DLGAP1: variants seen among roughly 807,000 people sequenced by gnomAD.
The protein encoded by DLGAP1 is disks large-associated protein 1.
Under a neutral mutation model 90.8 loss-of-function variants are expected in DLGAP1, and 11 were observed. The observed-to-expected ratio is 0.12, with a 90% CI of 0.08 to 0.20. DLGAP1 has a LOEUF of 0.20. DLGAP1 is among the 10% of genes least tolerant of loss of function. The pLI, the probability that DLGAP1 is intolerant of heterozygous loss-of-function variation, is 1.00. For synonymous variants in DLGAP1, 558 were observed against 540.7 expected (o/e 1.03, Z -0.44); for missense variants, 1,050 against 1,333.8 (o/e 0.79, Z 3.31).
At chr18:3,515,818 G>A (rs572695473) in intron 10 of DLGAP1, among the ~76,000 whole-genome samples, 2 of 148,070 alleles carry the variant, frequency 1.4e-5, no homozygotes, top group African/African-American at 2.5e-5. Flanking sequence ...AAATCCTCTC[G>A]AAGCTTACCA....
intron 3 of DLGAP1, among the ~76,000 whole-genome samples, chr18:3,998,980 C>T (rs1599297030): frequency 6.6e-6 from 1 of 152,070 alleles, no homozygotes; most frequent in Non-Finnish European, 1.5e-5. Flanking sequence ...TTTTGATATT[C>T]AGGAATCACT....
chr18:4,329,139 C>T (rs1050294534), intron 1 of DLGAP1, among the ~76,000 whole-genome samples: 5 of 151,892 alleles, frequency 3.3e-5, no homozygotes, highest in African/African-American at 1.2e-4. Context: ...TTATAGTTCA[C>T]TGCTCTCTAT....
chr18:3,949,141 C>CT (rs1183755370), intron 3 of DLGAP1, among the ~76,000 whole-genome samples: 7 of 152,282 alleles, frequency 4.6e-5, no homozygotes, highest in Admixed American at 3.3e-4. Context: ...TTCAGCAATA[C>CT]TTTGCTGGCT....
At chr18:4,449,365 G>A (rs777017128) in intron 1 of DLGAP1, among the ~76,000 whole-genome samples, 1 of 152,156 alleles carries the variant, frequency 6.6e-6, no homozygotes, top group Non-Finnish European at 1.5e-5. Flanking sequence ...GTAGCACTGC[G>A]TAGCCCATCA....
In DLGAP1 at chr18:4,000,450, A is replaced by G. The variant is rs143567175; in HGVS notation, c.-73+4666T>C. On this transcript the variant is annotated intron_variant, in intron 3 of 12. Transcript: ENST00000315677. ...ATTGTATATAGAGCAAATGGCCATC[A>G]CATTTTGTACTCTCTCCCTCGTAAA... 3.1e-3 allele frequency among the ~76,000 whole-genome samples: 470 copies of G among 152,260 alleles called. 1 individual carries two copies. Among genetic ancestry groups the G allele is most frequent in the African/African-American group, 9.9e-3 (412 of 41,548 alleles).
At chr18:3,669,548 C>T (rs994157420) in intron 7 of DLGAP1, among the ~76,000 whole-genome samples, 2 of 152,158 alleles carry the variant, frequency 1.3e-5, no homozygotes, top group Admixed American at 6.5e-5. Context: ...AGCATGTCTG[C>T]GGAAGAGCAC....
Position 3,903,822 on chromosome 18 carries a change from T to C in DLGAP1, c.-72-23682A>G, listed in dbSNP as rs1442384. On this transcript the variant is annotated intron_variant, in intron 3 of 12. Coordinates refer to ENST00000315677, the MANE Select transcript of DLGAP1 (RefSeq NM_004746.4). ...ACATTTAATTTGTTGTTTTGTTTCA[T>C]ACCAGATGCCTCATTGGAAAAATAG... Among the ~76,000 whole-genome samples the C allele has an allele frequency of 5.1e-3, 782 of 152,354 alleles. 10 individuals are homozygous for C. The highest frequency in any genetic ancestry group is 0.035 in the East Asian group (181 of 5,188).
rs1352967698 is a variant in DLGAP1, at chr18:3,653,496, A to G, written c.1592-71248T>C. 4 of 152,184 alleles carry G rather than the reference A, an allele frequency of 2.6e-5. No individual in the cohort carries two copies. Among genetic ancestry groups the G allele is most frequent in the Admixed American group, 2.6e-4 (4 of 15,278 alleles). The allele number at this position is 152,184 out of a possible 1,614,324, so 9.4% of individuals were successfully genotyped here. On this transcript the variant is annotated intron_variant, in intron 7 of 12. Coordinates refer to ENST00000315677, the MANE Select transcript of DLGAP1 (RefSeq NM_004746.4). The surrounding 1 kb of genome is among the most constrained non-coding windows in gnomAD (Gnocchi z 4.6). ...CATTCCACCTTTAACCTTAGCATTCATGAGACACAAAATGGGTTTTTCTTT... is the reference window on the plus strand; with the variant it reads ...CATTCCACCTTTAACCTTAGCATTCGTGAGACACAAAATGGGTTTTTCTTT...
At chr18:4,407,612 C>T (rs1453605838) in intron 1 of DLGAP1, among the ~76,000 whole-genome samples, 1 of 152,096 alleles carries the variant, frequency 6.6e-6, no homozygotes, top group Non-Finnish European at 1.5e-5. Context: ...AGTGCGCTGG[C>T]TCACGCCTGT....
At chr18:3,887,893 G>T (rs1399687785) in intron 3 of DLGAP1, among the ~76,000 whole-genome samples, 2 of 151,798 alleles carry the variant, frequency 1.3e-5, no homozygotes, top group Admixed American at 6.6e-5. Context: ...CGGATCATGA[G>T]GTCAGGTGAT....
intron 1 of DLGAP1, among the ~76,000 whole-genome samples, chr18:4,247,669 C>G (rs1426541593): frequency 2.2e-4 from 33 of 152,006 alleles, no homozygotes; most frequent in Non-Finnish European, 7.4e-5. Context: ...CCCAGCTACT[C>G]CAGAGGCTGA....
At chr18:3,661,569 G>GTTTTTTTTTTT (rs1240615031) in intron 7 of DLGAP1, among the ~76,000 whole-genome samples, 2 of 125,938 alleles carry the variant, frequency 1.6e-5, no homozygotes, top group African/African-American at 7.8e-5. Context: ...AAGCTGTAAG[G>GTTTTTTTTTTT]TCTTTTTTTT....
At chr18:4,391,530 C>T (rs181006770) in intron 1 of DLGAP1, among the ~76,000 whole-genome samples, 160 of 152,224 alleles carry the variant, frequency 1.1e-3, no homozygotes, top group Non-Finnish European at 1.2e-3. Context: ...CACCTATTTT[C>T]GGTGATTTCT....
At chr18:3,798,427 G>A (rs960123780) in intron 5 of DLGAP1, among the ~76,000 whole-genome samples, 3 of 152,174 alleles carry the variant, frequency 2.0e-5, no homozygotes, top group African/African-American at 2.4e-5. Context: ...GACAGGGACA[G>A]GGACAGAGAT....
intron 7 of DLGAP1, among the ~76,000 whole-genome samples, chr18:3,677,581 A>C (rs940198603): frequency 1.3e-5 from 2 of 152,232 alleles, no homozygotes; most frequent in African/African-American, 4.8e-5. Context: ...ACAGAGATCC[A>C]TGTTTCTAGC....
At chr18:4,232,929 C>G (rs1455656785) in intron 1 of DLGAP1, among the ~76,000 whole-genome samples, 1 of 152,180 alleles carries the variant, frequency 6.6e-6, no homozygotes, top group Non-Finnish European at 1.5e-5. Context: ...GGAAACCACA[C>G]AAGTGTGGGA....
intron 7 of DLGAP1, among the ~76,000 whole-genome samples, chr18:3,704,314 T>C (rs1177316501): frequency 6.6e-6 from 1 of 152,194 alleles, no homozygotes; most frequent in East Asian, 1.9e-4. Flanking sequence ...CTCATGCCTG[T>C]AATCCCAGCA....
chr18:3,612,147 G>A (rs943416540), intron 7 of DLGAP1, among the ~76,000 whole-genome samples: 4 of 152,200 alleles, frequency 2.6e-5, no homozygotes, highest in African/African-American at 9.7e-5. Context: ...ATTGAGCCCA[G>A]GAGTTTGAGT....
At chr18:3,796,309 C>T (rs1238450280) in intron 5 of DLGAP1, among the ~76,000 whole-genome samples, 2 of 147,610 alleles carry the variant, frequency 1.4e-5, no homozygotes, top group African/African-American at 5.0e-5. Flanking sequence ...CTATGGAAAA[C>T]ATTCTGGTTG....
Sources: allele counts gnomAD v4.1 joint callset (sites outside exome capture counted in the v4.1 genomes callset), GRCh38; gene constraint gnomAD v4.1.1; non-coding constraint Gnocchi (gnomAD v3.1); transcripts MANE v1.5; gene names NCBI Gene and HGNC (gene_info 2026-07-23, HGNC 2026-07-21).